Variants in MAGI2 observed in about 807,000 individuals in gnomAD.
The protein encoded by MAGI2 is membrane-associated guanylate kinase, WW and PDZ domain-containing protein 2.
In MAGI2, 35 loss-of-function variants were observed where a neutral mutation model predicts 133.3. That is an observed-to-expected ratio of 0.26 (90% CI 0.20 to 0.35). MAGI2 has a LOEUF of 0.35. Among genes scored for constraint, MAGI2 ranks in the 10% least tolerant of loss-of-function variants. The probability of loss-of-function intolerance (pLI) is 1.00; values close to 1 mark genes in which losing one functional copy is unlikely to be tolerated. For missense variants in MAGI2, 1,636 were observed against 1,863.4 expected, an observed-to-expected ratio of 0.88 and a Z score of 2.25; for synonymous variants, 729 against 710.6, an observed-to-expected ratio of 1.03 and a Z score of -0.41.
At chr7:78,716,831 T>C (rs1046049089) in intron 2 of MAGI2, among the ~76,000 whole-genome samples, 1 of 152,198 alleles carries the variant, frequency 6.6e-6, no homozygotes, top group African/African-American at 2.4e-5. Context: ...AAGAACTATA[T>C]TGGGCTTTTC....
rs74912953 is a variant in MAGI2, at chr7:78,552,603, G to A, written c.539-30958C>T. On this transcript the variant is annotated intron_variant, in intron 3 of 21. Coordinates refer to ENST00000354212, the MANE Select transcript of MAGI2 (RefSeq NM_012301.4). ...GAAACTATACAAAGAACTGTATAGT[G>A]GTGTGGTGGACAAAAATGGTGTCTG... 1.0e-2 allele frequency among the ~76,000 whole-genome samples: 1,521 copies of A among 152,266 alleles called. 18 individuals carry two copies. Among genetic ancestry groups the A allele is most frequent in the African/African-American group, 0.034 (1,421 of 41,546 alleles).
intron 1 of MAGI2, among the ~76,000 whole-genome samples, chr7:79,065,472 T>A (rs767559202): frequency 6.6e-6 from 1 of 152,160 alleles, no homozygotes; most frequent in Non-Finnish European, 1.5e-5. Flanking sequence ...CAAACAGACA[T>A]CAAGAACTTG....
At chr7:78,837,743 A>T (rs1279707122) in intron 2 of MAGI2, among the ~76,000 whole-genome samples, 5 of 152,168 alleles carry the variant, frequency 3.3e-5, no homozygotes, top group African/African-American at 1.2e-4. Context: ...AATTCCAACT[A>T]CAGTTTTAAT....
intron 1 of MAGI2, among the ~76,000 whole-genome samples, chr7:79,242,664 A>G (rs1832507732): frequency 6.6e-6 from 1 of 152,180 alleles, no homozygotes; most frequent in East Asian, 1.9e-4. Context: ...TATTCTCCAT[A>G]TATTAGTCAT....
chr7:78,549,441 C>T (rs761705855), intron 3 of MAGI2, among the ~76,000 whole-genome samples: 30 of 151,850 alleles, frequency 2.0e-4, no homozygotes, highest in African/African-American at 6.3e-4. Flanking sequence ...TAAAATCACC[C>T]GATTCCTCAC....
intron 1 of MAGI2, among the ~76,000 whole-genome samples, chr7:79,022,445 C>T (rs1217304379): frequency 6.6e-6 from 1 of 151,932 alleles, no homozygotes; most frequent in Non-Finnish European, 1.5e-5. Flanking sequence ...AAATTAACCA[C>T]CCAACATCAT....
intron 2 of MAGI2, among the ~76,000 whole-genome samples, chr7:78,683,598 A>C (rs1420573678): frequency 6.6e-6 from 1 of 152,174 alleles, no homozygotes; most frequent in Non-Finnish European, 1.5e-5. Flanking sequence ...TTGATTCTAC[A>C]TCCTGAAATC....
intron 21 of MAGI2, among the ~76,000 whole-genome samples, chr7:78,027,871 T>C (rs1053712513): frequency 6.6e-6 from 1 of 152,222 alleles, no homozygotes; most frequent in Non-Finnish European, 1.5e-5. Flanking sequence ...TATCCATGAA[T>C]TTAGTGCCAT....
rs1477386236 is a variant in MAGI2 at position 79,038,823 on chromosome 7, T to A, written c.302-31617A>T. ...TTTTTAAATTCTATTCATGTTGCTG[T>A]GTGTGTGTCTAGTCTGTTGTTTTTA... On this transcript the variant is annotated intron_variant, in intron 1 of 21. Coordinates refer to ENST00000354212, the MANE Select transcript of MAGI2 (RefSeq NM_012301.4). 2.6e-5 allele frequency among the ~76,000 whole-genome samples: 4 copies of A among 152,308 alleles called. No homozygotes were observed. The East Asian group carries it at 7.7e-4, about 29-fold the overall frequency.
chr7:78,447,063 G>A (rs2151473992), intron 6 of MAGI2, among the ~76,000 whole-genome samples: 1 of 152,148 alleles, frequency 6.6e-6, no homozygotes, highest in South Asian at 2.1e-4. Flanking sequence ...TTGTAGCACT[G>A]CCCAGGGAGA....
In MAGI2 at chr7:79,211,214, T is replaced by C. The variant is rs774976981; in HGVS notation, c.302-204008A>G. Among the ~76,000 whole-genome samples, 66 of 152,066 alleles carry C rather than the reference T, an allele frequency of 4.3e-4. 1 individual carries two copies. Among genetic ancestry groups the C allele is most frequent in the Non-Finnish European group, 8.8e-4 (60 of 68,038 alleles). Reference sequence around the variant, plus strand: ...ATATCTATATGTATATCTGTATGTGTATCAATATCTCTAATTTATCTACCA... The same window carrying C: ...ATATCTATATGTATATCTGTATGTGCATCAATATCTCTAATTTATCTACCA... On this transcript the variant is annotated intron_variant, in intron 1 of 21. Coordinates refer to ENST00000354212, the MANE Select transcript of MAGI2 (RefSeq NM_012301.4).
intron 9 of MAGI2, among the ~76,000 whole-genome samples, chr7:78,269,354 T>C (rs1218977614): frequency 1.3e-5 from 2 of 152,178 alleles, no homozygotes; most frequent in East Asian, 3.9e-4. Flanking sequence ...CCTTGAGGGA[T>C]TGCCACACTG....
At chr7:78,710,758 G>A (rs185624281) in intron 2 of MAGI2, among the ~76,000 whole-genome samples, 56 of 152,200 alleles carry the variant, frequency 3.7e-4, no homozygotes, top group African/African-American at 1.1e-3. Context: ...AAAAACTCTA[G>A]AGTCATATGG....
chr7:78,199,714 G>A (rs1829062088), intron 11 of MAGI2, among the ~76,000 whole-genome samples: 1 of 152,160 alleles, frequency 6.6e-6, no homozygotes. Flanking sequence ...CTATGCCGTG[G>A]AAGTCCAAGC....
intron 1 of MAGI2, among the ~76,000 whole-genome samples, chr7:79,171,770 A>ATATATATTTTTTTTTTTTTTTTTTTT: frequency 3.2e-5 from 1 of 31,204 alleles, no homozygotes. Flanking sequence ...ATATATATAT[A>ATATATATTTTTTTTTTTTTTTTTTTT]TTTTTTTTTT....
At chr7:78,379,970 A>G (rs1489680104) in intron 6 of MAGI2, among the ~76,000 whole-genome samples, 3 of 150,858 alleles carry the variant, frequency 2.0e-5, no homozygotes, top group East Asian at 4.1e-4. Flanking sequence ...CTGAAATTGC[A>G]TATTTTCTAA....
At chr7:78,961,596 C>A (rs1421181724) in intron 2 of MAGI2, among the ~76,000 whole-genome samples, 1 of 152,102 alleles carries the variant, frequency 6.6e-6, no homozygotes, top group Non-Finnish European at 1.5e-5. Flanking sequence ...TAATAATCCT[C>A]ATTATAACTG....
chr7:78,574,559 T>A (rs1736561292), intron 3 of MAGI2, among the ~76,000 whole-genome samples: 1 of 152,234 alleles, frequency 6.6e-6, no homozygotes, highest in Non-Finnish European at 1.5e-5. Context: ...TGTAACTCAT[T>A]AAGAACGACT....
At chr7:78,123,811 C>T (rs1820700881) in intron 20 of MAGI2, among the ~76,000 whole-genome samples, 1 of 152,190 alleles carries the variant, frequency 6.6e-6, no homozygotes, top group South Asian at 2.1e-4. Flanking sequence ...CTTCCTAAAA[C>T]ATAGCCTGGT....
Sources: gnomAD v4.1 joint callset for allele counts (sites outside exome capture counted in the v4.1 genomes callset) on GRCh38, gnomAD v4.1.1 for gene constraint, MANE v1.5 for transcripts, NCBI Gene and HGNC (gene_info 2026-07-23, HGNC 2026-07-21) for gene names.